The following SSBP3 variants were observed in gnomAD, a reference collection of about 807,000 sequenced individuals.
SSBP3 encodes the protein single stranded DNA binding protein 3.
A neutral mutation model predicts 69.6 loss-of-function variants in SSBP3; 5 were observed. The ratio of observed to expected loss-of-function variants is 0.07; its 90% CI spans 0.04 to 0.15. The LOEUF (loss-of-function observed/expected upper bound fraction) is 0.15. Ranked by LOEUF, SSBP3 falls within the 10% of genes least tolerant of loss-of-function variation. SSBP3 has a pLI of 1.00. For synonymous variants in SSBP3, 196 were observed against 193.4 expected (o/e 1.01, Z -0.11); for missense variants, 312 against 534.0 (o/e 0.58, Z 4.10).
intron 4 of SSBP3, among the ~76,000 whole-genome samples, chr1:54,355,329 G>A (rs1355906081): frequency 6.6e-6 from 1 of 152,036 alleles, no homozygotes; most frequent in African/African-American, 2.4e-5. Flanking sequence ...GACATTACAG[G>A]GAGATCTCCC....
chr1:54,289,481 G>A (rs1001245818), intron 4 of SSBP3, among the ~76,000 whole-genome samples: 7 of 152,172 alleles, frequency 4.6e-5, no homozygotes, highest in East Asian at 1.9e-4. Flanking sequence ...CCCAGACTGC[G>A]CTGTGCTCAC....
At chr1:54,233,625 G>A (rs1371717085) in intron 14 of SSBP3, among the ~76,000 whole-genome samples, 8 of 149,574 alleles carry the variant, frequency 5.3e-5, no homozygotes, top group African/African-American at 1.5e-4. Context: ...CGCCCCGTCC[G>A]GGAGGTGAGG....
At chr1:54,225,811 C>T (rs575474462) in exon 18 of SSBP3, 1 of 153,702 alleles carries the variant, frequency 6.5e-6, no homozygotes, top group South Asian at 2.1e-4. Context: ...ACAGGCTCCA[C>T]TGTCGGGCTT....
At chr1:54,234,984 C>T (rs1644461486) in intron 14 of SSBP3, among the ~76,000 whole-genome samples, 2 of 152,230 alleles carry the variant, frequency 1.3e-5, no homozygotes, top group South Asian at 4.1e-4. Context: ...ACTTAAAATC[C>T]ATTTGACTTG....
intron 4 of SSBP3, among the ~76,000 whole-genome samples, chr1:54,311,534 T>G (rs17110345): frequency 0.24 from 36,086 of 151,878 alleles, 5,140 homozygotes; most frequent in East Asian, 0.42. Flanking sequence ...ACCCACAAGA[T>G]GTCAAAATCG....
chr1:54,362,980 T>TA (rs1159980334), intron 4 of SSBP3, among the ~76,000 whole-genome samples: 2 of 152,168 alleles, frequency 1.3e-5, no homozygotes, highest in African/African-American at 2.4e-5. Flanking sequence ...GAGGGATACT[T>TA]AGACACTGTT....
chr1:54,411,661 GGCAGGCAGATC>G lies in SSBP3; in HGVS notation c.-275+1684_-275+1694del, dbSNP rs1649994615. Among the ~76,000 whole-genome samples the G allele has an allele frequency of 7.2e-5, 11 of 152,026 alleles. No homozygotes were observed. In the South Asian group the frequency reaches 2.3e-3, roughly 32 times the overall value. ...TAATCCCGGCACTTGTGGAGGCCGA[GGCAGGCAGATC>G]GCGAGGTCAGGAAATCGAGACCATC... On this transcript the variant is annotated intron_variant, in intron 1 of 8. Coordinates refer to the SSBP3 transcript ENST00000525990.
chr1:54,361,210 T>C (rs1646947163), intron 4 of SSBP3, among the ~76,000 whole-genome samples: 1 of 152,162 alleles, frequency 6.6e-6, no homozygotes, highest in South Asian at 2.1e-4. Flanking sequence ...TACAATTACT[T>C]CTACCCTAGA....
rs550036629 is a variant in SSBP3 at position 54,354,688 on chromosome 1, G to A, written c.276+47173C>T. 1.2e-4 allele frequency among the ~76,000 whole-genome samples: 19 copies of A among 152,084 alleles called. No individual in the cohort carries two copies. In the East Asian group the frequency reaches 2.3e-3, roughly 19 times the overall value. Reference sequence around the variant, plus strand: ...TAAGCTCCTCTCCAGCCCACTCCCCGCTCCCTCACAAATCCCAGGAACACT... The same window carrying A: ...TAAGCTCCTCTCCAGCCCACTCCCCACTCCCTCACAAATCCCAGGAACACT... On this transcript the variant is annotated intron_variant, in intron 4 of 17. Coordinates refer to ENST00000610401, the Ensembl canonical transcript of SSBP3.
chr1:54,409,283 T>G (rs1462327290), upstream of SSBP3, among the ~76,000 whole-genome samples: 1 of 152,050 alleles, frequency 6.6e-6, no homozygotes, highest in East Asian at 1.9e-4. Flanking sequence ...TGCTTCTCAC[T>G]CCTGGAGTGA....
intron 14 of SSBP3, among the ~76,000 whole-genome samples, chr1:54,232,125 A>T (rs1171514689): frequency 1.3e-5 from 2 of 152,240 alleles, no homozygotes; most frequent in African/African-American, 4.8e-5. Context: ...GATTAATGCT[A>T]TTATGTAAAC....
chr1:54,336,298 G>A (rs1178546656), intron 4 of SSBP3, among the ~76,000 whole-genome samples: 1 of 152,188 alleles, frequency 6.6e-6, no homozygotes. Context: ...TGACTAACAT[G>A]GCCCCCCACG....
At chr1:54,373,632 C>T (rs1280695520) in intron 4 of SSBP3, among the ~76,000 whole-genome samples, 4 of 151,886 alleles carry the variant, frequency 2.6e-5, no homozygotes, top group Non-Finnish European at 5.9e-5. Flanking sequence ...CCATATGTGG[C>T]GGCGCATGCC....
intron 4 of SSBP3, among the ~76,000 whole-genome samples, chr1:54,299,719 C>T (rs1645767116): frequency 3.9e-5 from 6 of 152,202 alleles, no homozygotes; most frequent in South Asian, 2.1e-4. Flanking sequence ...CATCTAGACA[C>T]GGACATGAGG....
intron 17 of SSBP3, 23 bp from the exon 18 acceptor site, chr1:54,227,183 G>GT: frequency 4.3e-6 from 5 of 1,158,304 alleles, no homozygotes; most frequent in Non-Finnish European, 6.3e-6. Flanking sequence ...AGCAGAGAAG[G>GT]GGGGGGGGTG....
intron 4 of SSBP3, among the ~76,000 whole-genome samples, chr1:54,306,210 G>C (rs1027405003): frequency 2.0e-5 from 3 of 152,054 alleles, no homozygotes; most frequent in African/African-American, 7.2e-5. Flanking sequence ...GAACGCACTG[G>C]GTCCCTCCCA....
chr1:54,325,007 G>A (rs1478412541), intron 4 of SSBP3, among the ~76,000 whole-genome samples: 1 of 152,226 alleles, frequency 6.6e-6, no homozygotes, highest in Non-Finnish European at 1.5e-5. Context: ...CAGCACTGGG[G>A]AGCAGAGAGC....
chr1:54,394,309 C>T (rs1648702612), intron 4 of SSBP3, among the ~76,000 whole-genome samples: 2 of 152,206 alleles, frequency 1.3e-5, no homozygotes, highest in Non-Finnish European at 2.9e-5. Flanking sequence ...CACCTGCAAT[C>T]CTGCTATTTA....
intron 4 of SSBP3, among the ~76,000 whole-genome samples, chr1:54,347,635 T>C (rs966431326): frequency 6.6e-5 from 10 of 152,166 alleles, no homozygotes; most frequent in South Asian, 2.1e-4. Context: ...TGAGGTGATA[T>C]TGGATTAGGG....
Sources: gnomAD v4.1 joint callset for allele counts (sites outside exome capture counted in the v4.1 genomes callset) on GRCh38, gnomAD v4.1.1 for gene constraint, MANE v1.5 for transcripts, NCBI Gene and HGNC (gene_info 2026-07-23, HGNC 2026-07-21) for gene names.